CYTH3: variants seen among roughly 807,000 people sequenced by gnomAD.
CYTH3 encodes cytohesin-3.
A neutral mutation model predicts 55.1 loss-of-function variants in CYTH3; 23 were observed. The ratio of observed to expected loss-of-function variants is 0.42; its 90% confidence interval spans 0.30 to 0.59. The LOEUF (loss-of-function observed/expected upper bound fraction) is 0.59, where lower values mean the gene tolerates loss of function less well. Among genes scored for constraint, CYTH3 ranks in the 20% least tolerant of loss-of-function variants. The pLI is 0.20. For missense variants in CYTH3, 413 were observed against 524.8 expected, an observed-to-expected ratio of 0.79 and a Z score of 2.08; for synonymous variants, 249 against 194.9, an observed-to-expected ratio of 1.28 and a Z score of -2.31.
chr7:6,253,577 G>A (rs1218544539), intron 1 of CYTH3, among the ~76,000 whole-genome samples: 2 of 151,988 alleles, frequency 1.3e-5, no homozygotes, highest in African/African-American at 2.4e-5. Context: ...CAACACTTTG[G>A]GAGGCCAAGG....
intron 1 of CYTH3, among the ~76,000 whole-genome samples, chr7:6,208,792 G>A (rs149364176): frequency 1.8e-4 from 28 of 152,320 alleles, no homozygotes; most frequent in African/African-American, 6.0e-4. Context: ...CTCCCAAGGT[G>A]TTGGGATTAC....
chr7:6,210,506 T>A (rs1784298586), intron 1 of CYTH3, among the ~76,000 whole-genome samples: 1 of 152,248 alleles, frequency 6.6e-6, no homozygotes, highest in Non-Finnish European at 1.5e-5. Flanking sequence ...GATTTATCCT[T>A]TTCATTGAAG....
At chr7:6,221,899 C>A (rs1261367134) in intron 1 of CYTH3, among the ~76,000 whole-genome samples, 1 of 152,124 alleles carries the variant, frequency 6.6e-6, no homozygotes, top group East Asian at 1.9e-4. Context: ...CTGCAGTGAG[C>A]TATGATGGTG....
chr7:6,265,394 C>G (rs10227013), intron 1 of CYTH3, among the ~76,000 whole-genome samples: 1 of 151,416 alleles, frequency 6.6e-6, no homozygotes, highest in Admixed American at 6.6e-5. Flanking sequence ...AGGCAGATCA[C>G]GAGGTCAGGA....
chr7:6,183,261 C>A (rs920702525), intron 4 of CYTH3, among the ~76,000 whole-genome samples: 14 of 152,358 alleles, frequency 9.2e-5, no homozygotes, highest in African/African-American at 2.6e-4. Flanking sequence ...CTCTTGCCGC[C>A]CCCGGCAGTT....
Position 6,171,241 on chromosome 7 carries a change from G to C in CYTH3, c.523C>G (p.Arg175Gly). Reference sequence around the variant, plus strand: ...ACCCCGGGGTTGCACAGGCAGTAGCGAGAAGCGAAAGCCTCCATCATGCGA... The same window carrying C: ...ACCCCGGGGTTGCACAGGCAGTAGCCAGAAGCGAAAGCCTCCATCATGCGA... ...IDRMMEAFASRYCLCNPGVFQ... is the reference protein window; with the variant it reads ...IDRMMEAFASGYCLCNPGVFQ... The change falls in exon 7 of 13, where the codon CGC (arginine) becomes GGC (glycine). Residue 175 changes from arginine (R) to glycine (G), a missense_variant. By Grantham distance (125) the Arg-to-Gly change is moderately radical. Around this residue, in one of 4 missense-constraint regions of CYTH3, gnomAD observed 156 missense variants for 233.1 expected, o/e 0.67. Coordinates refer to ENST00000350796, the MANE Select transcript of CYTH3 (RefSeq NM_004227.4). This position sits in a 1 kb window ranked among gnomAD's most constrained non-coding sequence, Gnocchi z 6.7. The C allele has an allele frequency of 1.9e-6, 3 of 1,614,164 alleles. No homozygotes were observed. The highest frequency in any genetic ancestry group is 2.2e-5 in the East Asian group (1 of 44,866).
At chr7:6,246,276 C>A (rs1461945271) in intron 1 of CYTH3, among the ~76,000 whole-genome samples, 2 of 151,568 alleles carry the variant, frequency 1.3e-5, no homozygotes, top group Non-Finnish European at 2.9e-5. Context: ...CACTTTGCTC[C>A]CCAGGCTGGT....
chr7:6,187,926 C>G (rs1209641195), intron 2 of CYTH3, among the ~76,000 whole-genome samples: 2 of 152,178 alleles, frequency 1.3e-5, no homozygotes, highest in Non-Finnish European at 2.9e-5. Context: ...ATTCTTTGCT[C>G]ACTTTTCATC....
At position 6,170,029 on chromosome 7, in the gene CYTH3, A is replaced by G; in HGVS notation, c.823+506T>C. 1 of 167,400 alleles carries G rather than the reference A, an allele frequency of 6.0e-6. No individual in the cohort carries two copies. The highest frequency in any genetic ancestry group is 1.3e-5 in the Non-Finnish European group (1 of 77,036). The allele number at this position is 167,400 out of a possible 1,614,324, so 10.4% of individuals were successfully genotyped here. A position where few individuals can be genotyped will look rare whatever the true frequency, so the allele number is the denominator to read the frequency against. The stretch of plus-strand genomic sequence containing the variant: ...AGCTCACACAGACCAACGTGGGGAG[A>G]GCGAGAGGAATGAGCCGCTGAGGGG... On this transcript the variant is annotated intron_variant, in intron 9 of 12. Coordinates refer to ENST00000350796, the MANE Select transcript of CYTH3 (RefSeq NM_004227.4). This position sits in a 1 kb window ranked among gnomAD's most constrained non-coding sequence, Gnocchi z 7.8.
chr7:6,233,790 G>C (rs1389876882), intron 1 of CYTH3, among the ~76,000 whole-genome samples: 1 of 152,052 alleles, frequency 6.6e-6, no homozygotes, highest in Non-Finnish European at 1.5e-5. Context: ...AACAAAATGC[G>C]AAAGACTGGG....
rs778048265 is a variant in CYTH3, at chr7:6,165,311, C to T, written c.1089G>A (p.Pro363=). 36 of 1,613,840 alleles carry T rather than the reference C, an allele frequency of 2.2e-5. No individual in the cohort carries two copies. The highest frequency in any genetic ancestry group is 8.3e-5 in the Admixed American group (5 of 59,972). ...GNHVVYRISA[P]SPEEKEEWMK... ...TCCACTCCTCCTTCTCCTCCGGGCT[C>T]GGGGCTGAGATCCGGTACACCACAT... is the stretch of plus-strand genomic sequence containing the variant. The change falls in exon 12 of 13, where the codon CCG becomes CCA. Residue 363 remains proline (P), a synonymous_variant. Transcript: ENST00000350796.
intron 4 of CYTH3, among the ~76,000 whole-genome samples, chr7:6,179,737 ACCACACACACC>A (rs1396378979): frequency 5.2e-4 from 21 of 40,210 alleles, no homozygotes; most frequent in African/African-American, 4.0e-3. Context: ...ACACACACCC[ACCACACACACC>A]CCACACCCCC....
chr7:6,235,313 C>T (rs940619375), intron 1 of CYTH3, among the ~76,000 whole-genome samples: 5 of 152,024 alleles, frequency 3.3e-5, no homozygotes, highest in African/African-American at 9.7e-5. Context: ...GATGTCTCTA[C>T]TAAAAATACA....
chr7:6,207,659 A>G (rs1344142311), intron 1 of CYTH3, among the ~76,000 whole-genome samples: 2 of 149,754 alleles, frequency 1.3e-5, no homozygotes, highest in Non-Finnish European at 3.0e-5. Flanking sequence ...AAAAAACAAA[A>G]CAAAAAAAGG....
At chr7:6,250,854 G>T (rs1779944308) in intron 1 of CYTH3, among the ~76,000 whole-genome samples, 1 of 152,212 alleles carries the variant, frequency 6.6e-6, no homozygotes, top group Non-Finnish European at 1.5e-5. Flanking sequence ...TCTAAAAAGA[G>T]AATAGGTGCT....
chr7:6,179,377 C>T (rs1026750444), intron 4 of CYTH3, among the ~76,000 whole-genome samples: 10 of 151,906 alleles, frequency 6.6e-5, no homozygotes, highest in Non-Finnish European at 1.5e-5. Flanking sequence ...AGAAAGGTGC[C>T]CTGTAATATT....
At chr7:6,231,786 GA>G (rs1216899930) in intron 1 of CYTH3, among the ~76,000 whole-genome samples, 1 of 152,088 alleles carries the variant, frequency 6.6e-6, no homozygotes, top group Non-Finnish European at 1.5e-5. Flanking sequence ...TTTATAATTG[GA>G]AAATTGTCAT....
intron 1 of CYTH3, among the ~76,000 whole-genome samples, chr7:6,261,013 T>G (rs574762275): frequency 6.6e-6 from 1 of 152,262 alleles, no homozygotes; most frequent in African/African-American, 2.4e-5. Context: ...AGACCAACAT[T>G]TCTGCCAAGA....
At chr7:6,230,796 G>C (rs73675894) in intron 1 of CYTH3, among the ~76,000 whole-genome samples, 1,929 of 152,212 alleles carry the variant, frequency 0.013, 40 homozygotes, top group African/African-American at 0.043. Flanking sequence ...ATAAAATCCC[G>C]TATTTTGAAA....
Sources: gnomAD v4.1 joint callset for allele counts (sites outside exome capture counted in the v4.1 genomes callset) on GRCh38, gnomAD v4.1.1 for gene constraint, gnomAD v4.1.1 regional missense constraint, Gnocchi (gnomAD v3.1) non-coding constraint, MANE v1.5 for transcripts, NCBI Gene and HGNC (gene_info 2026-07-23, HGNC 2026-07-21) for gene names.